Variants in MCPH1 observed in about 807,000 individuals in gnomAD.
MCPH1 encodes microcephalin.
Under a neutral mutation model 84.5 loss-of-function variants are expected in MCPH1, and 104 were observed. That is an observed-to-expected ratio of 1.23 (90% CI 1.05 to 1.45). The LOEUF (loss-of-function observed/expected upper bound fraction) is 1.45, where lower values mean the gene tolerates loss of function less well. Ranked by LOEUF, MCPH1 falls within the 40% of genes most tolerant of loss-of-function variation. The pLI is 0.00. For missense variants in MCPH1, 1,498 were observed against 1,005.7 expected, an observed-to-expected ratio of 1.49 and a Z score of -6.62; for synonymous variants, 514 against 366.8, an observed-to-expected ratio of 1.40 and a Z score of -4.58.
chr8:6,528,862 G>T (rs747668363), intron 12 of MCPH1, among the ~76,000 whole-genome samples: 24 of 152,226 alleles, frequency 1.6e-4, no homozygotes, highest in Non-Finnish European at 2.6e-4. Context: ...CTTATCCTTA[G>T]AGCTGGTTTA....
rs1818546739 is a variant in MCPH1, at chr8:6,527,475, A to G, written c.2214+27546A>G. Reference sequence around the variant, plus strand: ...AGACATGAAGAAACTCACCATTCTGATAATTCATCATTTGAGACCGACTTT... The same window carrying G: ...AGACATGAAGAAACTCACCATTCTGGTAATTCATCATTTGAGACCGACTTT... On this transcript the variant is annotated intron_variant, in intron 12 of 13. Coordinates refer to ENST00000344683, the MANE Select transcript of MCPH1 (RefSeq NM_024596.5). 5 of 1,520,562 alleles carry G rather than the reference A, an allele frequency of 3.3e-6. No individual in the cohort carries two copies. In the South Asian group the frequency reaches 6.0e-5, roughly 18 times the overall value. 94.2% of individuals were successfully genotyped at this position (1,520,562 alleles called of 1,614,324 possible).
intron 13 of MCPH1, among the ~76,000 whole-genome samples, chr8:6,642,267 T>C (rs1188153155): frequency 6.6e-6 from 1 of 152,184 alleles, no homozygotes; most frequent in East Asian, 1.9e-4. Flanking sequence ...TCATTCCTTT[T>C]TTTTTCTAAC....
intron 12 of MCPH1, among the ~76,000 whole-genome samples, chr8:6,585,554 C>G (rs1323132239): frequency 2.0e-5 from 3 of 152,242 alleles, no homozygotes; most frequent in African/African-American, 7.2e-5. Flanking sequence ...CAAGGTTTAC[C>G]TCTCTAAATG....
intron 13 of MCPH1, chr8:6,625,182 C>T (rs1586854763): frequency 2.0e-6 from 2 of 985,374 alleles, no homozygotes; most frequent in Non-Finnish European, 2.4e-6. Flanking sequence ...GCCGAAATCA[C>T]CTATTTTCTG....
chr8:6,453,002 A>G (rs1805261348), intron 8 of MCPH1, among the ~76,000 whole-genome samples: 1 of 152,244 alleles, frequency 6.6e-6, no homozygotes, highest in African/African-American at 2.4e-5. Context: ...CAAGGTACAG[A>G]GAATTAGGTC....
intron 12 of MCPH1, among the ~76,000 whole-genome samples, chr8:6,552,528 T>G (rs773841763): frequency 2.0e-4 from 30 of 152,236 alleles, no homozygotes; most frequent in Admixed American, 5.2e-4. Context: ...TTAGGGTGAC[T>G]GGAATTATAA....
intron 12 of MCPH1, among the ~76,000 whole-genome samples, chr8:6,547,800 G>A (rs926021322): frequency 6.6e-6 from 1 of 152,114 alleles, no homozygotes; most frequent in African/African-American, 2.4e-5. Context: ...TGCGGGGCCA[G>A]GGGAGCACCG....
At chr8:6,510,390 A>G (rs1202975127) in intron 12 of MCPH1, among the ~76,000 whole-genome samples, 1 of 152,214 alleles carries the variant, frequency 6.6e-6, no homozygotes, top group African/African-American at 2.4e-5. Context: ...AAGCACCAAG[A>G]TGATGCCCTT....
At chr8:6,583,405 C>A (rs1044871734) in intron 12 of MCPH1, among the ~76,000 whole-genome samples, 1 of 152,212 alleles carries the variant, frequency 6.6e-6, no homozygotes, top group African/African-American at 2.4e-5. Flanking sequence ...ACTTTTCTTG[C>A]GCTGCAAGGC....
At position 6,564,680 on chromosome 8, in the gene MCPH1, A is replaced by T. The variant is rs561683598; in HGVS notation, c.2215-56774A>T. Among the ~76,000 whole-genome samples, 464 of 152,274 alleles carry T rather than the reference A, an allele frequency of 3.0e-3. 1 individual carries two copies. The highest frequency in any genetic ancestry group is 4.7e-3 in the Non-Finnish European group (317 of 68,014). On this transcript the variant is annotated intron_variant, in intron 12 of 13. Coordinates refer to ENST00000344683, the MANE Select transcript of MCPH1 (RefSeq NM_024596.5). ...CCACATCTACCCATAAAAGATCTTT[A>T]TTTTTTACTAAGCTCTAACCGAAAG...
chr8:6,603,743 C>A (rs1829545170), intron 12 of MCPH1, among the ~76,000 whole-genome samples: 1 of 152,112 alleles, frequency 6.6e-6, no homozygotes, highest in Non-Finnish European at 1.5e-5. Flanking sequence ...AGAAGAGGAT[C>A]CAAACTGGGA....
intron 12 of MCPH1, among the ~76,000 whole-genome samples, chr8:6,564,826 T>G (rs1456226589): frequency 1.3e-5 from 2 of 152,238 alleles, no homozygotes; most frequent in East Asian, 3.8e-4. Flanking sequence ...ACATTTTTAT[T>G]AAACCCAGCC....
rs1210745092 is a variant in MCPH1 at position 6,638,210 on chromosome 8, CA to C, written c.2453-4783del. On this transcript the variant is annotated intron_variant, in intron 13 of 13. Coordinates refer to ENST00000344683, the MANE Select transcript of MCPH1 (RefSeq NM_024596.5). Reference sequence around the variant, plus strand: ...TCTACTGCTAAGGGCTGCCTTAAGCCATGAAGCCGCAGAGGCTGGGTGACCA... The same window carrying C: ...TCTACTGCTAAGGGCTGCCTTAAGCCTGAAGCCGCAGAGGCTGGGTGACCA... Among the ~76,000 whole-genome samples, 5 of 152,162 alleles carry C rather than the reference CA, an allele frequency of 3.3e-5. No individual in the cohort carries two copies. In the East Asian group the frequency reaches 5.8e-4, roughly 18 times the overall value.
At chr8:6,476,128 C>T (rs560023679) in intron 9 of MCPH1, among the ~76,000 whole-genome samples, 26 of 152,190 alleles carry the variant, frequency 1.7e-4, no homozygotes, top group African/African-American at 5.5e-4. Flanking sequence ...AATTTGTAAG[C>T]TGTAATTCTA....
At chr8:6,486,284 C>G (rs1387808799) in intron 11 of MCPH1, among the ~76,000 whole-genome samples, 1 of 151,834 alleles carries the variant, frequency 6.6e-6, no homozygotes, top group African/African-American at 2.4e-5. Flanking sequence ...CTCTCTCTCT[C>G]TCTCTCTCTC....
chr8:6,521,220 C>T (rs1459061957), intron 12 of MCPH1: 1 of 1,613,866 alleles, frequency 6.2e-7, no homozygotes, highest in Admixed American at 1.7e-5. Context: ...TTAACTGTCT[C>T]CATGAGATCA....
At chr8:6,415,052 A>C (rs1421055770) in intron 3 of MCPH1, among the ~76,000 whole-genome samples, 169 bp downstream of exon 3, 7 of 152,004 alleles carry the variant, frequency 4.6e-5, no homozygotes, top group African/African-American at 1.7e-4. Context: ...TGTGGTTCAA[A>C]AATGGTCATG....
At chr8:6,412,500 G>A (rs905366857) in intron 2 of MCPH1, among the ~76,000 whole-genome samples, 4 of 152,192 alleles carry the variant, frequency 2.6e-5, no homozygotes, top group African/African-American at 9.7e-5. Context: ...ATTATCTTAA[G>A]CCAATTTCAG....
chr8:6,534,281 T>C (rs551724361), intron 12 of MCPH1, among the ~76,000 whole-genome samples: 9 of 152,250 alleles, frequency 5.9e-5, no homozygotes, highest in South Asian at 2.1e-4. Flanking sequence ...TTACATGGCA[T>C]TGACATTGTG....
Sources: gnomAD v4.1 joint callset for allele counts (sites outside exome capture counted in the v4.1 genomes callset) on GRCh38, gnomAD v4.1.1 for gene constraint, MANE v1.5 for transcripts, NCBI Gene and HGNC (gene_info 2026-07-23, HGNC 2026-07-21) for gene names.